The following KAZN variants were observed in gnomAD, a reference collection of about 807,000 sequenced individuals.
KAZN encodes kazrin, periplakin interacting protein, also known as kazrin.
Under a neutral mutation model 87.4 loss-of-function variants are expected in KAZN, and 40 were observed. The observed-to-expected ratio is 0.46, with a 90% CI of 0.36 to 0.60. The LOEUF (loss-of-function observed/expected upper bound fraction) is 0.60, where lower values mean the gene tolerates loss of function less well. KAZN is among the 20% of genes least tolerant of loss of function. The pLI, the probability that KAZN is intolerant of heterozygous loss-of-function variation, is 0.00. For missense variants in KAZN, 898 were observed against 1,073.9 expected (o/e 0.84, Z 2.29); for synonymous variants, 466 against 458.3 (o/e 1.02, Z -0.22).
intron 2 of KAZN, among the ~76,000 whole-genome samples, chr1:14,307,980 CT>C (rs1481665152): frequency 6.6e-6 from 1 of 152,214 alleles, no homozygotes; most frequent in Non-Finnish European, 1.5e-5. Flanking sequence ...CAACATCATT[CT>C]GGTCTTCCTG....
intron 1 of KAZN, chr1:14,924,539 C>A: frequency 9.9e-7 from 1 of 1,009,586 alleles, no homozygotes; most frequent in Middle Eastern, 4.9e-4. Flanking sequence ...CGGGGTTCCC[C>A]GGGTCCGAGC....
intron 2 of KAZN, among the ~76,000 whole-genome samples, chr1:14,238,084 A>T (rs1401892980): frequency 6.6e-6 from 1 of 152,194 alleles, no homozygotes; most frequent in Non-Finnish European, 1.5e-5. Flanking sequence ...CAATTCAGCC[A>T]TTTGAAGTGT....
rs113729205 is a variant in KAZN at position 15,114,715 on chromosome 1, C to T, written c.*80C>T. The T allele has an allele frequency of 6.5e-6, 9 of 1,385,888 alleles. No homozygotes were observed. Among genetic ancestry groups the T allele is most frequent in the African/African-American group, 1.5e-5 (1 of 68,682 alleles). 85.8% of individuals were successfully genotyped at this position (1,385,888 alleles called of 1,614,324 possible). A position where few individuals can be genotyped will look rare whatever the true frequency, so the allele number is the denominator to read the frequency against. On this transcript the variant is annotated 3_prime_UTR_variant, in exon 15 of 15. Coordinates refer to ENST00000376030, the MANE Select transcript of KAZN (RefSeq NM_201628.3). ...CAGATGGCCCCAGGTGTCGTTCTCACTGTACATAGCGGCCGCAGGCTGAGG... is the reference window on the plus strand; with the variant it reads ...CAGATGGCCCCAGGTGTCGTTCTCATTGTACATAGCGGCCGCAGGCTGAGG...
intron 3 of KAZN, among the ~76,000 whole-genome samples, chr1:15,039,802 C>T (rs1044076590): frequency 3.9e-5 from 6 of 152,074 alleles, no homozygotes; most frequent in Admixed American, 6.6e-5. Flanking sequence ...TCTGACCAGC[C>T]GCTGGGGTGG....
intron 1 of KAZN, among the ~76,000 whole-genome samples, chr1:14,029,294 G>A (rs1185460973): frequency 4.2e-5 from 3 of 71,924 alleles, no homozygotes; most frequent in African/African-American, 5.6e-5. Flanking sequence ...GTCTGTTCAT[G>A]TCCTTCGCCC....
chr1:14,099,091 C>A (rs1405329161), intron 1 of KAZN, among the ~76,000 whole-genome samples: 1 of 152,106 alleles, frequency 6.6e-6, no homozygotes, highest in Non-Finnish European at 1.5e-5. Context: ...GTAGCCTCTC[C>A]TGGACAACTC....
chr1:14,718,985 C>T (rs889614943), intron 1 of KAZN, among the ~76,000 whole-genome samples: 2 of 152,054 alleles, frequency 1.3e-5, no homozygotes, highest in African/African-American at 4.8e-5. Context: ...GAGTTGAGGG[C>T]TGGGATTGTC....
intron 2 of KAZN, among the ~76,000 whole-genome samples, chr1:14,561,698 G>A (rs551061481): frequency 6.6e-6 from 1 of 152,238 alleles, no homozygotes; most frequent in Non-Finnish European, 1.5e-5. Context: ...GAGGTCAGGA[G>A]TTCAAGACAG....
rs894256691 is a variant in KAZN at position 14,773,054 on chromosome 1, T to C, written c.226+173831T>C. On this transcript the variant is annotated intron_variant, in intron 1 of 14. Transcript: ENST00000376030. This position sits in a 1 kb window ranked among gnomAD's most constrained non-coding sequence, Gnocchi z 5.9. ...GCCTCTTCATGGGGGTCTCAGGAAA[T>C]GGGCATTTGAGGGTCAGGTGGGTGA... 2.6e-5 allele frequency among the ~76,000 whole-genome samples: 4 copies of C among 152,056 alleles called. No homozygotes were observed. The highest frequency in any genetic ancestry group is 9.7e-5 in the African/African-American group (4 of 41,374).
chr1:14,174,141 C>T (rs116251375), intron 1 of KAZN, among the ~76,000 whole-genome samples: 1 of 152,230 alleles, frequency 6.6e-6, no homozygotes, highest in Non-Finnish European at 1.5e-5. Context: ...ACTGAATAGA[C>T]AAATGGGTGG....
chr1:14,938,576 T>C (rs1169932568), intron 1 of KAZN, among the ~76,000 whole-genome samples: 1 of 147,886 alleles, frequency 6.8e-6, no homozygotes, highest in East Asian at 2.0e-4. Context: ...TGGAGTGATA[T>C]AAGACTCACC....
chr1:14,685,290 G>A (rs1640889360), intron 1 of KAZN, among the ~76,000 whole-genome samples: 1 of 152,220 alleles, frequency 6.6e-6, no homozygotes, highest in Non-Finnish European at 1.5e-5. Context: ...CCTTAGGGGT[G>A]AGGGAGCTGG....
At position 14,040,783 on chromosome 1, in the gene KAZN, T is replaced by C. The variant is rs200262170; in HGVS notation, c.92-139652T>C. Among the ~76,000 whole-genome samples the C allele has an allele frequency of 1.1e-3, 160 of 144,576 alleles. 1 individual carries two copies. Among genetic ancestry groups the C allele is most frequent in the East Asian group, 8.8e-3 (45 of 5,118 alleles). The allele number at this position is 144,576 out of a possible 152,430, so 94.8% of individuals were successfully genotyped here. A position where few individuals can be genotyped will look rare whatever the true frequency, so the allele number is the denominator to read the frequency against. ...TCATCTCAAAAAAATTAAAATAAAA[T>C]AAAATTAAATTAAATTAAAATAAAA... On this transcript the variant is annotated intron_variant, in intron 1 of 16. Coordinates refer to the KAZN transcript ENST00000636203.
chr1:14,946,738 T>C (rs530159203), intron 1 of KAZN, among the ~76,000 whole-genome samples: 1 of 152,310 alleles, frequency 6.6e-6, no homozygotes, highest in African/African-American at 2.4e-5. Context: ...ACTGTCAGCA[T>C]GCCTTACTCA....
chr1:14,523,242 C>T (rs369141395), intron 2 of KAZN, among the ~76,000 whole-genome samples: 2 of 152,310 alleles, frequency 1.3e-5, no homozygotes, highest in African/African-American at 4.8e-5. Context: ...TACTTTTTGG[C>T]TCCCAGTCCA....
intron 1 of KAZN, among the ~76,000 whole-genome samples, chr1:13,910,683 C>T (rs912030690): frequency 7.9e-5 from 12 of 152,034 alleles, no homozygotes; most frequent in African/African-American, 2.4e-4. Context: ...GCCAATTAAA[C>T]TCCTTTTCTT....
chr1:14,794,265 G>A (rs996407912), intron 1 of KAZN, among the ~76,000 whole-genome samples: 4 of 152,312 alleles, frequency 2.6e-5, no homozygotes, highest in African/African-American at 4.8e-5. Flanking sequence ...GAGTTAGGAC[G>A]CAAAAGAGAT....
Position 15,103,058 on chromosome 1 carries a change from T to C in KAZN, c.1780-301T>C, listed in dbSNP as rs571691891. Among the ~76,000 whole-genome samples, 732 of 152,196 alleles carry C rather than the reference T, an allele frequency of 4.8e-3. 3 individuals carry two copies. Among genetic ancestry groups the C allele is most frequent in the Admixed American group, 8.8e-3 (134 of 15,290 alleles). On this transcript the variant is annotated intron_variant, in intron 11 of 14. Coordinates refer to ENST00000376030, the MANE Select transcript of KAZN (RefSeq NM_201628.3). Reference sequence around the variant, plus strand: ...GGTGGATCACAAACAAGGTCAGGAGTTCGAGACCAGCCTGGCCAACATGGT... The same window carrying C: ...GGTGGATCACAAACAAGGTCAGGAGCTCGAGACCAGCCTGGCCAACATGGT...
At chr1:14,920,595 A>AG (rs1435343939) in intron 1 of KAZN, among the ~76,000 whole-genome samples, 60 of 152,022 alleles carry the variant, frequency 3.9e-4, no homozygotes. Flanking sequence ...AGCATCTCCC[A>AG]GGGGGTCTGG....
Sources: allele counts gnomAD v4.1 joint callset (sites outside exome capture counted in the v4.1 genomes callset), GRCh38; gene constraint gnomAD v4.1.1; non-coding constraint Gnocchi (gnomAD v3.1); transcripts MANE v1.5; gene names NCBI Gene and HGNC (gene_info 2026-07-23, HGNC 2026-07-21).